Variants in UGT1A10 observed in about 807,000 individuals in gnomAD.
The protein encoded by UGT1A10 is UDP glucuronosyltransferase family 1 member A10, also known as UDP-glucuronosyltransferase 1A10.
Under a neutral mutation model 45.8 loss-of-function variants are expected in UGT1A10, and 49 were observed. The ratio of observed to expected loss-of-function variants is 1.07; its 90% CI spans 0.85 to 1.36. UGT1A10 has a LOEUF of 1.36. UGT1A10 is among the 40% of genes most tolerant of loss of function. The pLI is 0.00. For missense variants in UGT1A10, 745 were observed against 668.6 expected (o/e 1.11, Z -1.26); for synonymous variants, 284 against 249.7 (o/e 1.14, Z -1.29).
rs28969711 is a variant in UGT1A10, at chr2:233,681,104, G to A, written c.855+43727G>A. 4.7e-3 allele frequency among the ~76,000 whole-genome samples: 711 copies of A among 151,776 alleles called. 7 individuals carry two copies. Among genetic ancestry groups the A allele is most frequent in the African/African-American group, 0.016 (678 of 41,438 alleles). On this transcript the variant is annotated intron_variant, in intron 1 of 4. Transcript: ENST00000344644. Reference sequence around the variant, plus strand: ...TCACCTGTGTCTCTGCAATGCGCAAGTGAGCTGTGTATTGCAGAGACACAG... The same window carrying A: ...TCACCTGTGTCTCTGCAATGCGCAAATGAGCTGTGTATTGCAGAGACACAG...
intron 1 of UGT1A10, among the ~76,000 whole-genome samples, chr2:233,749,087 T>C (rs1694105720): frequency 1.3e-5 from 2 of 151,858 alleles, no homozygotes; most frequent in African/African-American, 2.4e-5. Context: ...GTGTGCCATG[T>C]ATTTCATGAG....
chr2:233,760,973 C>A lies in UGT1A10; in HGVS notation c.856-6061C>A, dbSNP rs35350960. 4.8e-4 allele frequency: 769 copies of A among 1,614,172 alleles called. 15 individuals carry two copies. The East Asian group carries it at 0.013, about 27-fold the overall frequency. The stretch of plus-strand genomic sequence containing the variant: ...TTTCTGTGCGACGTGGTTTATTCCC[C>A]GTATGCAACCCTTGCCTCAGAATTC... On this transcript the variant is annotated intron_variant, in intron 1 of 4. Coordinates refer to ENST00000344644, the MANE Select transcript of UGT1A10 (RefSeq NM_019075.4).
intron 1 of UGT1A10, among the ~76,000 whole-genome samples, chr2:233,661,026 T>C (rs1034201364): frequency 1.3e-5 from 2 of 152,114 alleles, no homozygotes; most frequent in Non-Finnish European, 2.9e-5. Context: ...CATATTAGAG[T>C]ATATAGGTAT....
At chr2:233,697,144 G>T (rs2075378221) in intron 1 of UGT1A10, among the ~76,000 whole-genome samples, 1 of 152,058 alleles carries the variant, frequency 6.6e-6, no homozygotes. Flanking sequence ...AATAGTTTGA[G>T]TGGAACTGGT....
Position 233,637,277 on chromosome 2 carries a change from T to C in UGT1A10, c.755T>C (p.Leu252Ser), listed in dbSNP as rs1227366089. Residue 252 changes from leucine to serine, a missense_variant, in exon 1 of 5, where the codon TTG becomes TCG. Physicochemically the swap from Leu to Ser is moderately radical, Grantham distance 145. Coordinates refer to ENST00000344644, the MANE Select transcript of UGT1A10 (RefSeq NM_019075.4). Reference protein sequence around the residue: ...YDLYSHTSIWLLRTDFVLDYP... With the variant: ...YDLYSHTSIWSLRTDFVLDYP... The stretch of plus-strand genomic sequence containing the variant: ...CTCTACAGTCACACATCAATTTGGT[T>C]GTTGCGAACGGACTTTGTTTTGGAC... 6.2e-7 allele frequency: 1 copy of C among 1,613,978 alleles called. No individual in the cohort carries two copies. The highest frequency in any genetic ancestry group is 1.1e-5 in the South Asian group (1 of 91,072).
At chr2:233,741,120 A>G (rs947867994) in intron 1 of UGT1A10, among the ~76,000 whole-genome samples, 1 of 151,760 alleles carries the variant, frequency 6.6e-6, no homozygotes, top group Non-Finnish European at 1.5e-5. Flanking sequence ...TTACACTTCT[A>G]TAAAAGCAAC....
At chr2:233,726,821 A>G (rs4294999) in intron 1 of UGT1A10, among the ~76,000 whole-genome samples, 81,640 of 151,974 alleles carry the variant, frequency 0.54, 23,585 homozygotes, top group African/African-American at 0.76. Context: ...CCTCTATTCG[A>G]CCATTTAAAT....
At chr2:233,744,789 C>A (rs957843917) in intron 1 of UGT1A10, among the ~76,000 whole-genome samples, 10 of 151,986 alleles carry the variant, frequency 6.6e-5, no homozygotes, top group Admixed American at 2.6e-4. Flanking sequence ...CTGAAAAATT[C>A]TTGGGGATCC....
intron 1 of UGT1A10, chr2:233,743,541 A>ACC (rs544018510): frequency 2.2e-6 from 3 of 1,366,832 alleles, no homozygotes; most frequent in South Asian, 1.1e-5. Flanking sequence ...AGTTCCTCTG[A>ACC]CCCCCCCAAA....
At chr2:233,725,116 C>T (rs2077366977) in intron 1 of UGT1A10, among the ~76,000 whole-genome samples, 1 of 140,206 alleles carries the variant, frequency 7.1e-6, no homozygotes, top group Non-Finnish European at 1.5e-5. Flanking sequence ...AGGGAGGTTG[C>T]AGTGAGCCGA....
At chr2:233,685,147 A>G (rs2074725363) in intron 1 of UGT1A10, among the ~76,000 whole-genome samples, 1 of 152,174 alleles carries the variant, frequency 6.6e-6, no homozygotes, top group Non-Finnish European at 1.5e-5. Context: ...ATGTAATTAA[A>G]TACTTTAACA....
In UGT1A10 at chr2:233,649,115, G is replaced by A. The variant is rs1349401511; in HGVS notation, c.855+11738G>A. 4.1e-6 allele frequency: 3 copies of A among 736,036 alleles called. No individual in the cohort carries two copies. The African/African-American group carries it at 5.5e-5, about 13-fold the overall frequency. The allele number at this position is 736,036 out of a possible 1,614,324, so 45.6% of individuals were successfully genotyped here. On this transcript the variant is annotated intron_variant, in intron 1 of 4. Transcript: ENST00000344644. ...TACGGAACTGGGATTTGACATTTGT[G>A]TTTGTTGCATCTAAAATTTCTTTTC...
intron 1 of UGT1A10, chr2:233,713,996 A>C: frequency 6.4e-7 from 1 of 1,559,392 alleles, no homozygotes; most frequent in Non-Finnish European, 8.7e-7. Flanking sequence ...AATAGTCTTC[A>C]GTGAGATAAA....
At chr2:233,707,601 G>A (rs953899116) in intron 1 of UGT1A10, among the ~76,000 whole-genome samples, 4 of 148,144 alleles carry the variant, frequency 2.7e-5, no homozygotes, top group Admixed American at 2.0e-4. Context: ...TTTACAAGTT[G>A]TAGTTTGTGG....
At chr2:233,704,381 T>C (rs1381509965) in intron 1 of UGT1A10, among the ~76,000 whole-genome samples, 1 of 152,038 alleles carries the variant, frequency 6.6e-6, no homozygotes, top group African/African-American at 2.4e-5. Flanking sequence ...AGCACATCGA[T>C]TTTAACTTAC....
intron 1 of UGT1A10, among the ~76,000 whole-genome samples, chr2:233,700,573 T>C (rs978152887): frequency 1.5e-4 from 23 of 152,216 alleles, no homozygotes; most frequent in Non-Finnish European, 1.3e-4. Flanking sequence ...AACTTTATTA[T>C]GATGCAATTT....
chr2:233,743,638 G>C (rs767583424), intron 1 of UGT1A10: 1 of 1,367,318 alleles, frequency 7.3e-7, no homozygotes, highest in East Asian at 4.5e-5. Context: ...CTGGGTCGCG[G>C]AAGCTGAAGA....
chr2:233,755,296 C>A (rs1695848823), intron 1 of UGT1A10: 2 of 630,266 alleles, frequency 3.2e-6, no homozygotes, highest in Admixed American at 6.1e-5. Flanking sequence ...GCCTGCGGGG[C>A]ACTGGCACAG....
chr2:233,717,209 C>T (rs555628633), intron 1 of UGT1A10, among the ~76,000 whole-genome samples: 6 of 152,284 alleles, frequency 3.9e-5, no homozygotes, highest in South Asian at 4.2e-4. Flanking sequence ...ACCCTCACCC[C>T]GGGCTCATCA....
Sources: allele counts gnomAD v4.1 joint callset (sites outside exome capture counted in the v4.1 genomes callset), GRCh38; gene constraint gnomAD v4.1.1; transcripts MANE v1.5; gene names NCBI Gene and HGNC (gene_info 2026-07-23, HGNC 2026-07-21).